Variants in VPS13A observed in about 807,000 individuals in gnomAD.
VPS13A encodes vacuolar protein sorting 13 homolog A.
A neutral mutation model predicts 390.9 loss-of-function variants in VPS13A; 264 were observed. The observed-to-expected ratio is 0.68, with a 90% CI of 0.61 to 0.75. The LOEUF (loss-of-function observed/expected upper bound fraction) is 0.75. Ranked by LOEUF, VPS13A falls within the 30% of genes least tolerant of loss-of-function variation. The probability of loss-of-function intolerance (pLI) is 0.00; values close to 1 mark genes in which losing one functional copy is unlikely to be tolerated. For synonymous variants in VPS13A, 1,231 were observed against 1,227.1 expected, an observed-to-expected ratio of 1.00 and a Z score of -0.07; for missense variants, 3,409 against 3,733.9, an observed-to-expected ratio of 0.91 and a Z score of 2.27.
At position 77,199,936 on chromosome 9, in the gene VPS13A, CT is replaced by C. The variant is rs752636187; in HGVS notation, c.101-3del. The C allele has an allele frequency of 1.9e-6, 3 of 1,592,376 alleles. No homozygotes were observed. The highest frequency in any genetic ancestry group is 1.8e-5 in the Admixed American group (1 of 56,436). On this transcript the variant is annotated splice_polypyrimidine_tract_variant and splice_region_variant and intron_variant, in intron 1 of 71. Coordinates refer to ENST00000360280, the MANE Select transcript of VPS13A (RefSeq NM_033305.3). ...TGATTGTTTGAATCTTTTTTTTAAT[CT>C]TTTTTAGGAGCTGTGGCCCTCAAGA...
intron 46 of VPS13A, among the ~76,000 whole-genome samples, chr9:77,336,820 T>C (rs1830561939): frequency 6.8e-6 from 1 of 147,566 alleles, no homozygotes; most frequent in East Asian, 2.0e-4. Flanking sequence ...TTTTTTTTTT[T>C]TTTTGAGGCT....
Position 77,416,501 on chromosome 9 carries a change from A to G in VPS13A, c.*495A>G, listed in dbSNP as rs1587744339. 6.4e-6 allele frequency: 1 copy of G among 155,312 alleles called. No homozygotes were observed. The highest frequency in any genetic ancestry group is 1.4e-5 in the Non-Finnish European group (1 of 70,016). 9.6% of individuals were successfully genotyped at this position (155,312 alleles called of 1,614,324 possible). On this transcript the variant is annotated 3_prime_UTR_variant, in exon 72 of 72. Coordinates refer to ENST00000360280, the MANE Select transcript of VPS13A (RefSeq NM_033305.3). ...CTTTGGTGGTGGTTTCTTCAGAATC[A>G]TGAAGTTCTTTTGCCAGATAAATAT...
chr9:77,226,701 TTTAA>T (rs1823538089), intron 15 of VPS13A, 103 bp downstream of exon 15: 3 of 988,500 alleles, frequency 3.0e-6, no homozygotes, highest in African/African-American at 1.7e-5. Flanking sequence ...AATATATTTA[TTTAA>T]TTATATATAA....
intron 58 of VPS13A, 74 bp from the exon 59 acceptor site, chr9:77,360,462 T>C (rs939230711): frequency 2.0e-5 from 23 of 1,138,984 alleles, no homozygotes; most frequent in Non-Finnish European, 2.9e-5. Flanking sequence ...TCTCATACTT[T>C]TTTCTCATCT....
chr9:77,219,925 GT>G lies in VPS13A; in HGVS notation c.755-21del, dbSNP rs762549785. ...CTTGAGACTTTGGAAATATAACTCA[GT>G]TTTTTTTCCATTTTTATTATTTTTC... On this transcript the variant is annotated intron_variant, in intron 10 of 71. Transcript: ENST00000360280. 4.3e-6 allele frequency: 7 copies of G among 1,609,386 alleles called. No homozygotes were observed. In the African/African-American group the frequency reaches 5.4e-5, roughly 12 times the overall value.
chr9:77,197,350 T>C (rs1202126264), intron 1 of VPS13A, among the ~76,000 whole-genome samples: 1 of 152,168 alleles, frequency 6.6e-6, no homozygotes, highest in Non-Finnish European at 1.5e-5. Context: ...TTACTGAAAG[T>C]GGGGTATTGA....
At chr9:77,279,670 T>C (rs1389559527) in intron 26 of VPS13A, among the ~76,000 whole-genome samples, 2 of 152,156 alleles carry the variant, frequency 1.3e-5, no homozygotes, top group Non-Finnish European at 2.9e-5. Context: ...GTATAACTAA[T>C]AAAGACTGAT....
chr9:77,196,772 T>C (rs544833986), intron 1 of VPS13A, among the ~76,000 whole-genome samples: 1 of 152,310 alleles, frequency 6.6e-6, no homozygotes, highest in East Asian at 1.9e-4. Flanking sequence ...ATTTCATATC[T>C]TGGCTTTTGT....
chr9:77,209,168 A>G (rs756536019), intron 5 of VPS13A, among the ~76,000 whole-genome samples: 1 of 152,176 alleles, frequency 6.6e-6, no homozygotes, highest in African/African-American at 2.4e-5. Flanking sequence ...GTACTCAGGC[A>G]TAGGTTAACA....
chr9:77,395,489 G>A (rs976249398), intron 68 of VPS13A, among the ~76,000 whole-genome samples: 5 of 152,154 alleles, frequency 3.3e-5, no homozygotes, highest in Non-Finnish European at 7.4e-5. Context: ...TTGAAATATT[G>A]TAAGAATTAA....
chr9:77,348,062 T>A lies in VPS13A; in HGVS notation c.7289+2920T>A, dbSNP rs941497047. Among the ~76,000 whole-genome samples, 4 of 152,170 alleles carry A rather than the reference T, an allele frequency of 2.6e-5. No individual in the cohort carries two copies. The East Asian group carries it at 7.7e-4, about 29-fold the overall frequency. On this transcript the variant is annotated intron_variant, in intron 52 of 71. Transcript: ENST00000360280. ...AGTTCAACCATTGTGGAAGACAGTGTGGTGATTCCTCAAAGACCTAGAACC... is the reference window on the plus strand; with the variant it reads ...AGTTCAACCATTGTGGAAGACAGTGAGGTGATTCCTCAAAGACCTAGAACC...
intron 50 of VPS13A, among the ~76,000 whole-genome samples, chr9:77,341,615 A>G (rs548769746): frequency 7.1e-6 from 1 of 140,860 alleles, no homozygotes; most frequent in African/African-American, 2.7e-5. Context: ...TCTATCCTCC[A>G]TGTCTCTTAA....
intron 58 of VPS13A, among the ~76,000 whole-genome samples, chr9:77,360,083 A>G (rs898971447): frequency 1.3e-5 from 2 of 152,102 alleles, no homozygotes; most frequent in African/African-American, 4.8e-5. Flanking sequence ...AAGATAACCT[A>G]TCTTTATTTC....
intron 2 of VPS13A, 96 bp downstream of exon 2, chr9:77,200,084 A>G: frequency 8.3e-7 from 1 of 1,204,026 alleles, no homozygotes; most frequent in Non-Finnish European, 1.2e-6. Flanking sequence ...TTTAAATTTG[A>G]GAAAGTTTTT....
intron 17 of VPS13A, 98 bp from the exon 18 acceptor site, chr9:77,237,904 G>A (rs531013985): frequency 2.2e-6 from 2 of 893,518 alleles, no homozygotes; most frequent in East Asian, 2.6e-5. Flanking sequence ...GAAATGCAAA[G>A]TGAAGTTGTC....
At chr9:77,315,862 G>A (rs571107499) in intron 38 of VPS13A, among the ~76,000 whole-genome samples, 225 of 151,878 alleles carry the variant, frequency 1.5e-3, no homozygotes, top group Non-Finnish European at 2.6e-3. Context: ...AGCTTTTAAC[G>A]TACGGTTTCT....
At chr9:77,219,703 A>G (rs1341066088) in intron 10 of VPS13A, among the ~76,000 whole-genome samples, 1 of 151,346 alleles carries the variant, frequency 6.6e-6, no homozygotes, top group Non-Finnish European at 1.5e-5. Flanking sequence ...TAAGTATCAT[A>G]TTGGTATTTT....
At chr9:77,322,846 T>C (rs1357637059) in intron 44 of VPS13A, among the ~76,000 whole-genome samples, 1 of 152,000 alleles carries the variant, frequency 6.6e-6, no homozygotes. Context: ...CGTTTGCTAT[T>C]GTTGTCTTGG....
rs1298057938 is a variant in VPS13A at position 77,357,707 on chromosome 9, A to G, written c.7822A>G (p.Thr2608Ala). ...DTNVPVRLTP[T>A]GHNMKILQPH... is the part of the protein sequence containing the mutation. The stretch of plus-strand genomic sequence containing the variant: ...TATTTTTCAGGTTCGCCTAACCCCT[A>G]CTGGTCATAACATGAAAATTCTGCA... Residue 2608 changes from threonine to alanine, a missense_variant, in exon 56 of 72, where the codon ACT becomes GCT. Physicochemically the swap from Thr to Ala is moderately conservative, Grantham distance 58. Transcript: ENST00000360280. The G allele has an allele frequency of 1.2e-6, 2 of 1,614,006 alleles. No individual in the cohort carries two copies. The highest frequency in any genetic ancestry group is 1.7e-6 in the Non-Finnish European group (2 of 1,179,978).
Sources: gnomAD v4.1 joint callset for allele counts (sites outside exome capture counted in the v4.1 genomes callset) on GRCh38, gnomAD v4.1.1 for gene constraint, MANE v1.5 for transcripts, NCBI Gene and HGNC (gene_info 2026-07-23, HGNC 2026-07-21) for gene names.